The following HEPH variants were observed in gnomAD, a reference collection of about 807,000 sequenced individuals.
HEPH encodes the protein hephaestin.
HEPH carries 69 observed loss-of-function variants against 80.8 expected under a neutral mutation model. The observed-to-expected ratio is 0.85, with a 90% CI of 0.70 to 1.04. The LOEUF (loss-of-function observed/expected upper bound fraction) is 1.04. HEPH is among the 50% of genes least tolerant of loss of function. The pLI, the probability that HEPH is intolerant of heterozygous loss-of-function variation, is 0.00. For missense variants in HEPH, 1,115 were observed against 891.3 expected, an observed-to-expected ratio of 1.25 and a Z score of -3.20; for synonymous variants, 431 against 322.8, an observed-to-expected ratio of 1.34 and a Z score of -3.60.
Position 66,227,623 on chromosome X carries a change from C to A in HEPH, c.2563+19377C>A, listed in dbSNP as rs188696964. Among the ~76,000 whole-genome samples, 359 of 111,966 alleles carry A rather than the reference C, an allele frequency of 3.2e-3. 1 individual carries two copies. The highest frequency in any genetic ancestry group is 5.7e-3 in the Non-Finnish European group (302 of 53,095). ...ACACAAATCAGTACCATTTGTCATA[C>A]CAGTACCCAGCACCTTCTGTTGAAT... On this transcript the variant is annotated intron_variant, in intron 15 of 20. Coordinates refer to ENST00000343002, the MANE Select transcript of HEPH (RefSeq NM_001367233.3).
chrX:66,239,909 G>A (rs370182964), intron 15 of HEPH, among the ~76,000 whole-genome samples: 1 of 111,134 alleles, frequency 9.0e-6, no homozygotes, highest in East Asian at 2.8e-4. Flanking sequence ...GTCACCCTTG[G>A]TAAACACTGC....
intron 6 of HEPH, 60 bp downstream of exon 6, chrX:66,189,998 GA>G (rs1420012860): frequency 9.2e-7 from 1 of 1,090,952 alleles, no homozygotes; most frequent in Non-Finnish European, 1.2e-6. Context: ...ATGGTCAAGG[GA>G]GGCTGGGTTT....
intron 3 of HEPH, among the ~76,000 whole-genome samples, chrX:66,172,901 G>T (rs1415319200): frequency 3.6e-5 from 4 of 112,096 alleles, no homozygotes; most frequent in Non-Finnish European, 7.5e-5. Context: ...TAGAATATTT[G>T]AATATTCTAT....
chrX:66,195,099 G>A lies in HEPH; in HGVS notation c.1371G>A (p.Gly457=). 8.5e-7 allele frequency: 1 copy of A among 1,178,845 alleles called. No homozygotes were observed. Among genetic ancestry groups the A allele is most frequent in the Non-Finnish European group, 1.1e-6 (1 of 880,295 alleles). Reference sequence around the variant, plus strand: ...TTGTCTCTCCTTCCCATTTTCCAGGGCCAGTGATCCGGGCTGAGGTGGGTG... The same window carrying A: ...TTGTCTCTCCTTCCCATTTTCCAGGACCAGTGATCCGGGCTGAGGTGGGTG... ...LEEDRHLGIL[G]PVIRAEVGDT... Residue 457 remains glycine, a splice_region_variant and synonymous_variant, in exon 9 of 21, where the codon GGG becomes GGA. Coordinates refer to ENST00000343002, the MANE Select transcript of HEPH (RefSeq NM_001367233.3).
chrX:66,236,797 G>C (rs1322596862), intron 15 of HEPH, among the ~76,000 whole-genome samples: 2 of 111,092 alleles, frequency 1.8e-5, no homozygotes, highest in Non-Finnish European at 3.8e-5. Flanking sequence ...CAACTTCAGG[G>C]CTTTTTATTG....
intron 2 of HEPH, among the ~76,000 whole-genome samples, chrX:66,171,466 G>A (rs1238261933): frequency 8.9e-6 from 1 of 112,194 alleles, no homozygotes; most frequent in Non-Finnish European, 1.9e-5. Flanking sequence ...TTAGAAAATA[G>A]CAAGTGCTCC....
intron 15 of HEPH, among the ~76,000 whole-genome samples, chrX:66,229,221 T>TATATAG (rs1288849365): frequency 8.9e-6 from 1 of 111,983 alleles, no homozygotes; most frequent in Non-Finnish European, 1.9e-5. Context: ...TAGATATAGA[T>TATATAG]ATATAGATAT....
intron 3 of HEPH, 44 bp from the exon 4 acceptor site, chrX:66,173,545 C>T: frequency 2.0e-6 from 2 of 990,641 alleles, no homozygotes; most frequent in Non-Finnish European, 2.8e-6. Context: ...TTGCCACGGT[C>T]CCTCACTTAT....
At chrX:66,243,775 TA>T (rs1481261935) in intron 15 of HEPH, among the ~76,000 whole-genome samples, 2 of 112,707 alleles carry the variant, frequency 1.8e-5, no homozygotes, top group Non-Finnish European at 3.8e-5. Context: ...TCTACGTATT[TA>T]ATCATGTTTT....
chrX:66,209,643 A>C (rs1052134289), intron 15 of HEPH, among the ~76,000 whole-genome samples: 2 of 112,360 alleles, frequency 1.8e-5, no homozygotes, highest in African/African-American at 3.2e-5. Context: ...TAAAATAAGC[A>C]AGATATGGTG....
intron 4 of HEPH, among the ~76,000 whole-genome samples, chrX:66,174,132 CCT>C (rs765286796): frequency 9.1e-6 from 1 of 109,978 alleles, no homozygotes; most frequent in African/African-American, 3.3e-5. Flanking sequence ...TACACTACAC[CCT>C]GTTTGTAGTC....
chrX:66,189,658 T>C (rs201409906), intron 5 of HEPH, 26 bp from the exon 6 acceptor site: 45 of 1,197,870 alleles, frequency 3.8e-5, no homozygotes, highest in Admixed American at 1.3e-4. Flanking sequence ...CTAATCCTGA[T>C]ATTTTCTTTG....
intron 8 of HEPH, among the ~76,000 whole-genome samples, chrX:66,194,360 G>T (rs955932486): frequency 6.3e-5 from 7 of 111,489 alleles, no homozygotes; most frequent in Non-Finnish European, 7.5e-5. Flanking sequence ...AATTATCATT[G>T]GCTGGACTTC....
intron 10 of HEPH, 81 bp from the exon 11 acceptor site, chrX:66,198,797 C>A: frequency 1.4e-6 from 1 of 732,671 alleles, no homozygotes; most frequent in Non-Finnish European, 2.1e-6. Context: ...AATCTGGCAT[C>A]CCTTGATCTG....
At chrX:66,166,686 A>G (rs2147469057) in intron 1 of HEPH, among the ~76,000 whole-genome samples, 1 of 112,114 alleles carries the variant, frequency 8.9e-6, no homozygotes, top group Admixed American at 9.4e-5. Context: ...CTGCTGCAAA[A>G]ATTTATCTTA....
intron 19 of HEPH, among the ~76,000 whole-genome samples, 182 bp downstream of exon 19, chrX:66,260,444 C>T (rs187428609): frequency 9.0e-6 from 1 of 111,418 alleles, no homozygotes; most frequent in East Asian, 2.8e-4. Context: ...TCCATTGCAC[C>T]TGTCCCTCCA....
intron 17 of HEPH, among the ~76,000 whole-genome samples, chrX:66,257,383 C>T (rs2091215168): frequency 1.8e-5 from 2 of 111,897 alleles, no homozygotes; most frequent in African/African-American, 6.5e-5. Context: ...TTTCTGAGTG[C>T]TAGCCCTGGA....
At chrX:66,162,868 CA>C, upstream of HEPH, 2 of 1,153,952 alleles carry the variant, frequency 1.7e-6, no homozygotes, top group Non-Finnish European at 2.3e-6. Flanking sequence ...AAGATCTCCT[CA>C]TCACAAAGTA....
intron 15 of HEPH, among the ~76,000 whole-genome samples, chrX:66,228,883 A>G (rs707295): frequency 0.38 from 41,779 of 110,978 alleles, 9,369 homozygotes; most frequent in African/African-American, 0.86. Flanking sequence ...AAAGTAATGG[A>G]TGTTGGCATG....
Sources: gnomAD v4.1 joint callset for allele counts (sites outside exome capture counted in the v4.1 genomes callset) on GRCh38, gnomAD v4.1.1 for gene constraint, MANE v1.5 for transcripts, NCBI Gene and HGNC (gene_info 2026-07-23, HGNC 2026-07-21) for gene names.